The following CAPZA2 variants were observed in gnomAD, a reference collection of about 807,000 sequenced individuals.
CAPZA2 encodes F-actin-capping protein subunit alpha-2.
In CAPZA2, 13 loss-of-function variants were observed where a neutral mutation model predicts 44.0. That is an observed-to-expected ratio of 0.30 (90% CI 0.19 to 0.47). The LOEUF (loss-of-function observed/expected upper bound fraction) is 0.47, where lower values mean the gene tolerates loss of function less well. CAPZA2 is among the 20% of genes least tolerant of loss of function. The pLI is 1.00. For synonymous variants in CAPZA2, 94 were observed against 108.2 expected (o/e 0.87, Z 0.81); for missense variants, 244 against 338.6 (o/e 0.72, Z 2.19).
intron 1 of CAPZA2, chr7:116,886,178 CTA>C (rs1192133872): frequency 1.3e-5 from 2 of 154,812 alleles, no homozygotes; most frequent in East Asian, 1.9e-4. Flanking sequence ...CCCAAAAATT[CTA>C]TGAGCTAGTT....
chr7:116,897,467 T>C (rs189641810), intron 3 of CAPZA2, among the ~76,000 whole-genome samples: 10 of 152,280 alleles, frequency 6.6e-5, no homozygotes, highest in Admixed American at 2.6e-4. Context: ...ACTAGTCTCC[T>C]ATTAACTCAT....
At chr7:116,883,534 G>A (rs896337369) in intron 1 of CAPZA2, among the ~76,000 whole-genome samples, 1 of 152,098 alleles carries the variant, frequency 6.6e-6, no homozygotes, top group South Asian at 2.1e-4. Context: ...TTTCAGGCAC[G>A]GCTGGTTTAA....
intron 1 of CAPZA2, among the ~76,000 whole-genome samples, chr7:116,865,830 T>G (rs912152345): frequency 2.0e-5 from 3 of 151,950 alleles, no homozygotes; most frequent in African/African-American, 7.2e-5. Context: ...ATCCTCCCAC[T>G]TGGGCATCCT....
rs1319981285 is a variant in CAPZA2, at chr7:116,918,417, A to AT, written c.*553dup. On this transcript the variant is annotated 3_prime_UTR_variant, in exon 10 of 10. Coordinates refer to ENST00000361183, the MANE Select transcript of CAPZA2 (RefSeq NM_006136.3). Reference sequence around the variant, plus strand: ...TGTGTTTAAACCTTTCAAGAAGGTTATTTAGCTAGCTTAGTGTTGAACTAA... The same window carrying AT: ...TGTGTTTAAACCTTTCAAGAAGGTTATTTTAGCTAGCTTAGTGTTGAACTAA... 2 of 152,796 alleles carry AT rather than the reference A, an allele frequency of 1.3e-5. No homozygotes were observed. Among genetic ancestry groups the AT allele is most frequent in the African/African-American group, 4.8e-5 (2 of 41,462 alleles). The allele number at this position is 152,796 out of a possible 1,614,324, so 9.5% of individuals were successfully genotyped here.
At chr7:116,864,136 G>A (rs778391963) in intron 1 of CAPZA2, among the ~76,000 whole-genome samples, 1 of 152,182 alleles carries the variant, frequency 6.6e-6, no homozygotes, top group East Asian at 1.9e-4. Flanking sequence ...AAGTGTACAG[G>A]AGTGCACAAA....
chr7:116,901,859 A>C (rs932850659), intron 4 of CAPZA2, among the ~76,000 whole-genome samples: 1 of 149,892 alleles, frequency 6.7e-6, no homozygotes, highest in Non-Finnish European at 1.5e-5. Context: ...GGAAAAAAAA[A>C]CATGCTTGAA....
At position 116,893,157 on chromosome 7, in the gene CAPZA2, G is replaced by A. The variant is rs570632452; in HGVS notation, c.155+112G>A. The A allele has an allele frequency of 7.1e-6, 4 of 564,230 alleles. No individual in the cohort carries two copies. In the Admixed American group the frequency reaches 1.3e-4, roughly 19 times the overall value. 35.0% of individuals were successfully genotyped at this position (564,230 alleles called of 1,614,324 possible). A position where few individuals can be genotyped will look rare whatever the true frequency, so the allele number is the denominator to read the frequency against. On this transcript the variant is annotated intron_variant, in intron 3 of 9. Coordinates refer to ENST00000361183, the MANE Select transcript of CAPZA2 (RefSeq NM_006136.3). ...TTTTTTTGTTTTGTTTTGAGATGGAGTCTCACTCTGTCGTCCAGGCTGGAG... is the reference window on the plus strand; with the variant it reads ...TTTTTTTGTTTTGTTTTGAGATGGAATCTCACTCTGTCGTCCAGGCTGGAG...
intron 6 of CAPZA2, 144 bp from the exon 7 acceptor site, chr7:116,910,089 G>T: frequency 1.5e-6 from 1 of 665,902 alleles, no homozygotes; most frequent in South Asian, 1.6e-5. Flanking sequence ...GATTATTTTT[G>T]ACTATTTCAG....
chr7:116,866,840 G>A (rs368417043), intron 1 of CAPZA2, among the ~76,000 whole-genome samples: 28 of 152,170 alleles, frequency 1.8e-4, no homozygotes, highest in East Asian at 1.3e-3. Context: ...TGCTATTCAT[G>A]TTCACTGGAG....
rs781170925 is a variant in CAPZA2, at chr7:116,921,110, G to A, written c.*3243G>A. On this transcript the variant is annotated 3_prime_UTR_variant, in exon 10 of 10. Coordinates refer to ENST00000361183, the MANE Select transcript of CAPZA2 (RefSeq NM_006136.3). ...CCTGGAAATGTAAGAAGTGGGCCGGGCGCAGTGGCTCATGCCTGTAATCCC... is the reference window on the plus strand; with the variant it reads ...CCTGGAAATGTAAGAAGTGGGCCGGACGCAGTGGCTCATGCCTGTAATCCC... 6.6e-6 allele frequency: 1 copy of A among 152,660 alleles called. No individual in the cohort carries two copies. The highest frequency in any genetic ancestry group is 1.5e-5 in the Non-Finnish European group (1 of 68,426). 9.5% of individuals were successfully genotyped at this position (152,660 alleles called of 1,614,324 possible).
At chr7:116,885,046 G>A (rs1482225141) in intron 1 of CAPZA2, among the ~76,000 whole-genome samples, 6 of 151,996 alleles carry the variant, frequency 3.9e-5, no homozygotes, top group Admixed American at 6.6e-5. Flanking sequence ...ACTCTTTGGC[G>A]GCGAAGTGTC....
intron 3 of CAPZA2, among the ~76,000 whole-genome samples, chr7:116,894,635 C>T (rs559064486): frequency 1.3e-5 from 2 of 152,230 alleles, no homozygotes; most frequent in South Asian, 4.1e-4. Context: ...AGCCACCATC[C>T]ATTTTCAGTA....
At position 116,912,127 on chromosome 7, in the gene CAPZA2, C is replaced by G. The variant is rs140848019; in HGVS notation, c.644C>G (p.Ser215Cys). The change falls in exon 8 of 10, where the codon TCC (serine) becomes TGC (cysteine). Residue 215 changes from serine (S) to cysteine (C), a missense_variant. Transcript: ENST00000361183. Reference sequence around the variant, plus strand: ...GTGAGTCATAAAGATATACAAGATTCCCTAACAGTGTCTGTAAGTAATTAA... The same window carrying G: ...GTGAGTCATAAAGATATACAAGATTGCCTAACAGTGTCTGTAAGTAATTAA... ...QLVSHKDIQD[S>C]LTVSNEVQTA... The G allele has an allele frequency of 4.9e-4, 789 of 1,612,756 alleles. 6 individuals carry two copies. The African/African-American group carries it at 9.6e-3, about 20-fold the overall frequency.
intron 4 of CAPZA2, 116 bp from the exon 5 acceptor site, chr7:116,904,061 T>C: frequency 1.5e-6 from 1 of 646,014 alleles, no homozygotes; most frequent in South Asian, 2.0e-5. Flanking sequence ...AATATATGCT[T>C]GGAGTAGGAT....
chr7:116,869,807 C>G (rs1325848323), intron 1 of CAPZA2, among the ~76,000 whole-genome samples: 2 of 152,188 alleles, frequency 1.3e-5, no homozygotes, highest in African/African-American at 4.8e-5. Flanking sequence ...TCCATCTAAA[C>G]TTTCTTCTCA....
intron 1 of CAPZA2, among the ~76,000 whole-genome samples, chr7:116,878,983 G>A (rs1438608880): frequency 3.3e-5 from 5 of 151,692 alleles, no homozygotes; most frequent in South Asian, 2.1e-4. Flanking sequence ...AAAATTAGCC[G>A]GGCATGGTGG....
intron 2 of CAPZA2, among the ~76,000 whole-genome samples, chr7:116,888,878 A>AT (rs2115921030): frequency 6.6e-6 from 1 of 152,020 alleles, no homozygotes; most frequent in East Asian, 1.9e-4. Context: ...ATGACCATAT[A>AT]TTTTTTGGAA....
chr7:116,890,526 ATATATATATATATATATAT>A (rs1796821928), intron 2 of CAPZA2, among the ~76,000 whole-genome samples: 4 of 28,840 alleles, frequency 1.4e-4, no homozygotes, highest in African/African-American at 4.6e-4. Context: ...AAAAAAAAAA[ATATATATATATATATATAT>A]ATATATATAT....
intron 1 of CAPZA2, among the ~76,000 whole-genome samples, chr7:116,876,664 GGTAA>G (rs1796626460): frequency 6.6e-6 from 1 of 152,208 alleles, no homozygotes; most frequent in Non-Finnish European, 1.5e-5. Context: ...TCACCGGTAA[GGTAA>G]GTGAGATCTT....
Sources: allele counts gnomAD v4.1 joint callset (sites outside exome capture counted in the v4.1 genomes callset), GRCh38; gene constraint gnomAD v4.1.1; transcripts MANE v1.5; gene names NCBI Gene and HGNC (gene_info 2026-07-23, HGNC 2026-07-21).